TECPR2: variants seen among roughly 807,000 people sequenced by gnomAD.
TECPR2 encodes the protein tectonin beta-propeller repeat-containing protein 2.
In TECPR2, 65 loss-of-function variants were observed where a neutral mutation model predicts 138.1. The ratio of observed to expected loss-of-function variants is 0.47; its 90% CI spans 0.39 to 0.58. The LOEUF is 0.58. TECPR2 is among the 20% of genes least tolerant of loss of function. TECPR2 has a pLI of 0.00. For synonymous variants in TECPR2, 746 were observed against 749.8 expected, an observed-to-expected ratio of 0.99 and a Z score of 0.08; for missense variants, 1,553 against 1,824.5, an observed-to-expected ratio of 0.85 and a Z score of 2.71.
At chr14:102,492,767 G>T (rs1731028982) in intron 17 of TECPR2, among the ~76,000 whole-genome samples, 2 of 152,250 alleles carry the variant, frequency 1.3e-5, no homozygotes, top group South Asian at 4.1e-4. Flanking sequence ...GAGGGGGCGT[G>T]TGTGTCCGGA....
intron 2 of TECPR2, among the ~76,000 whole-genome samples, chr14:102,385,829 A>G (rs929192155): frequency 3.3e-5 from 5 of 151,984 alleles, no homozygotes; most frequent in African/African-American, 1.2e-4. Flanking sequence ...CCAGCTACTC[A>G]GGAGGCTCAG....
intron 1 of TECPR2, among the ~76,000 whole-genome samples, chr14:102,364,754 C>T (rs933448456): frequency 5.3e-5 from 8 of 151,710 alleles, no homozygotes; most frequent in African/African-American, 7.3e-5. Flanking sequence ...TCATATTAGC[C>T]GCTGTAGGAG....
In TECPR2 at chr14:102,445,847, A is replaced by G; in HGVS notation, c.2975A>G (p.Asp992Gly). The G allele has an allele frequency of 6.2e-7, 1 of 1,613,804 alleles. No homozygotes were observed. Among genetic ancestry groups the G allele is most frequent in the Non-Finnish European group, 8.5e-7 (1 of 1,179,956 alleles). Residue 992 changes from aspartate (D) to glycine (G), a missense_variant, in exon 13 of 20, where the codon GAT (aspartate) becomes GGT (glycine). Physicochemically the swap from Asp to Gly is moderately conservative, Grantham distance 94. Transcript: ENST00000359520. ...GAACCCGTCTGCATAACGCTCGGGG[A>G]TCAGCAGACTCTCTGGGCCCTGGAC... is the stretch of plus-strand genomic sequence containing the variant. ...ALEPVCITLGDQQTLWALDIH... is the reference protein window; with the variant it reads ...ALEPVCITLGGQQTLWALDIH...
At chr14:102,400,922 C>T (rs1413559242) in intron 2 of TECPR2, among the ~76,000 whole-genome samples, 1 of 151,638 alleles carries the variant, frequency 6.6e-6, no homozygotes, top group Non-Finnish European at 1.5e-5. Context: ...TAATCCCAGC[C>T]ACCCGGGAGG....
intron 9 of TECPR2, among the ~76,000 whole-genome samples, chr14:102,436,318 C>CTTTTTT (rs558287413): frequency 7.4e-6 from 1 of 135,504 alleles, no homozygotes; most frequent in Non-Finnish European, 1.6e-5. Context: ...TTCTTTCTTT[C>CTTTTTT]TTTTTTTTTT....
chr14:102,387,576 G>A (rs1198196585), intron 2 of TECPR2, among the ~76,000 whole-genome samples: 1 of 151,696 alleles, frequency 6.6e-6, no homozygotes, highest in East Asian at 1.9e-4. Flanking sequence ...CCCCAGGCTG[G>A]AGTGCAGCGG....
chr14:102,451,049 C>T (rs1384566816), intron 15 of TECPR2, among the ~76,000 whole-genome samples: 1 of 152,238 alleles, frequency 6.6e-6, no homozygotes, highest in East Asian at 1.9e-4. Flanking sequence ...TTCACAGCCT[C>T]CGGATAACCT....
At chr14:102,409,701 A>G (rs1160476674) in intron 4 of TECPR2, among the ~76,000 whole-genome samples, 1 of 152,212 alleles carries the variant, frequency 6.6e-6, no homozygotes, top group African/African-American at 2.4e-5. Flanking sequence ...TTGTAGTCAC[A>G]GGATCCCTTT....
At chr14:102,441,440 G>A (rs1159984473) in intron 11 of TECPR2, among the ~76,000 whole-genome samples, 40 of 150,104 alleles carry the variant, frequency 2.7e-4, no homozygotes, top group African/African-American at 9.8e-4. Flanking sequence ...ACTTTGGGAG[G>A]CCTAGACGAG....
Position 102,498,507 on chromosome 14 carries a change from G to T in TECPR2, c.*250G>T, listed in dbSNP as rs1891354552. The T allele has an allele frequency of 2.3e-5, 13 of 566,276 alleles. No homozygotes were observed. Among genetic ancestry groups the T allele is most frequent in the Non-Finnish European group, 3.8e-5 (12 of 317,742 alleles). The allele number at this position is 566,276 out of a possible 1,614,324, so 35.1% of individuals were successfully genotyped here. On this transcript the variant is annotated 3_prime_UTR_variant, in exon 20 of 20. Transcript: ENST00000359520. Reference sequence around the variant, plus strand: ...TCAGGACAGTGGCGACTGCCCGGCTGCATGCACTCCGATTACCCACGTGCT... The same window carrying T: ...TCAGGACAGTGGCGACTGCCCGGCTTCATGCACTCCGATTACCCACGTGCT...
intron 2 of TECPR2, among the ~76,000 whole-genome samples, chr14:102,383,470 C>T (rs990776369): frequency 2.6e-5 from 4 of 151,390 alleles, no homozygotes; most frequent in Admixed American, 6.6e-5. Context: ...TGCAGTGGAG[C>T]GATCTCAGCC....
intron 2 of TECPR2, among the ~76,000 whole-genome samples, chr14:102,393,324 A>C (rs1888228147): frequency 1.3e-5 from 2 of 152,188 alleles, no homozygotes; most frequent in Admixed American, 1.3e-4. Context: ...GTATTGTGCA[A>C]AATTAAAGCC....
chr14:102,496,354 A>G (rs1204075218), intron 17 of TECPR2, among the ~76,000 whole-genome samples: 5 of 152,206 alleles, frequency 3.3e-5, no homozygotes, highest in African/African-American at 9.6e-5. Context: ...GGCAAACTGG[A>G]GTTGCCGGTG....
intron 2 of TECPR2, among the ~76,000 whole-genome samples, chr14:102,379,893 A>G (rs1429466598): frequency 6.7e-6 from 1 of 148,612 alleles, no homozygotes; most frequent in Non-Finnish European, 1.5e-5. Context: ...TCCTAGTCAC[A>G]CTGCTGAAGA....
At chr14:102,365,731 G>A (rs1230945219) in intron 1 of TECPR2, among the ~76,000 whole-genome samples, 5 of 152,124 alleles carry the variant, frequency 3.3e-5, no homozygotes, top group Non-Finnish European at 7.3e-5. Flanking sequence ...GCGTGTAGAG[G>A]GGTGATTGCT....
chr14:102,498,442 C>G lies in TECPR2; in HGVS notation c.*185C>G. On this transcript the variant is annotated 3_prime_UTR_variant, in exon 20 of 20. Transcript: ENST00000359520. ...CGTTCCAGAACCCACAGCCTCCACCCGTGGCTGGCGTGATTGCTGCAGCAG... is the reference window on the plus strand; with the variant it reads ...CGTTCCAGAACCCACAGCCTCCACCGGTGGCTGGCGTGATTGCTGCAGCAG... The G allele has an allele frequency of 3.9e-6, 3 of 768,124 alleles. No homozygotes were observed. The highest frequency in any genetic ancestry group is 6.1e-6 in the Non-Finnish European group (3 of 491,748). The allele number at this position is 768,124 out of a possible 1,614,324, so 47.6% of individuals were successfully genotyped here.
chr14:102,449,260 T>C (rs1209379678), intron 13 of TECPR2, among the ~76,000 whole-genome samples: 1 of 152,222 alleles, frequency 6.6e-6, no homozygotes, highest in African/African-American at 2.4e-5. Flanking sequence ...ATGGCAAAAT[T>C]ATTCTTTCTC....
chr14:102,438,252 C>T (rs1426350859), intron 10 of TECPR2, 47 bp downstream of exon 10: 2 of 1,563,138 alleles, frequency 1.3e-6, no homozygotes, highest in East Asian at 2.3e-5. Context: ...CCGCTCGCCG[C>T]TCCTGCTCCC....
At chr14:102,462,606 G>C (rs544445040) in intron 16 of TECPR2, among the ~76,000 whole-genome samples, 1 of 152,190 alleles carries the variant, frequency 6.6e-6, no homozygotes, top group Non-Finnish European at 1.5e-5. Context: ...AACTGTGCAA[G>C]GGTGGTACCT....
Sources: gnomAD v4.1 joint callset for allele counts (sites outside exome capture counted in the v4.1 genomes callset) on GRCh38, gnomAD v4.1.1 for gene constraint, MANE v1.5 for transcripts, NCBI Gene and HGNC (gene_info 2026-07-23, HGNC 2026-07-21) for gene names.